The following ASIC2 variants were observed in gnomAD, a reference collection of about 807,000 sequenced individuals.
ASIC2 encodes acid sensing ion channel subunit 2.
Under a neutral mutation model 57.3 loss-of-function variants are expected in ASIC2, and 25 were observed. That is an observed-to-expected ratio of 0.44 (90% CI 0.32 to 0.61). The LOEUF (loss-of-function observed/expected upper bound fraction) is 0.61, where lower values mean the gene tolerates loss of function less well. Among genes scored for constraint, ASIC2 ranks in the 20% least tolerant of loss-of-function variants. The pLI, the probability that ASIC2 is intolerant of heterozygous loss-of-function variation, is 0.06. For synonymous variants in ASIC2, 319 were observed against 307.5 expected, an observed-to-expected ratio of 1.04 and a Z score of -0.39; for missense variants, 641 against 738.1, an observed-to-expected ratio of 0.87 and a Z score of 1.52.
chr17:33,131,266 A>T lies in ASIC2; in HGVS notation c.709-19199T>A, dbSNP rs549789893. On this transcript the variant is annotated intron_variant, in intron 1 of 9. Coordinates refer to ENST00000225823, the MANE Select transcript of ASIC2 (RefSeq NM_183377.2). ...TGCATGGCTTAAGCAGGAGGAAAAA[A>T]ATCTACATAGACCCTTCTATTGATA... Among the ~76,000 whole-genome samples the T allele has an allele frequency of 3.3e-5, 5 of 152,240 alleles. No individual in the cohort carries two copies. The South Asian group carries it at 1.0e-3, about 32-fold the overall frequency.
chr17:33,835,768 G>A (rs529165112), intron 1 of ASIC2, among the ~76,000 whole-genome samples: 1 of 151,826 alleles, frequency 6.6e-6, no homozygotes, highest in Non-Finnish European at 1.5e-5. Flanking sequence ...CTATTTTCCA[G>A]GTCCTGTATA....
chr17:33,235,461 C>T (rs1908259724), intron 1 of ASIC2, among the ~76,000 whole-genome samples: 1 of 152,180 alleles, frequency 6.6e-6, no homozygotes, highest in African/African-American at 2.4e-5. Flanking sequence ...GCTCTAATTC[C>T]ACCTCAAATC....
rs1171302054 is a variant in ASIC2 at position 33,710,253 on chromosome 17, C to T, written c.555+445725G>A. 2.0e-5 allele frequency among the ~76,000 whole-genome samples: 3 copies of T among 152,234 alleles called. No individual in the cohort carries two copies. The East Asian group carries it at 5.8e-4, about 29-fold the overall frequency. ...ACAATTCCCACCACAGGTAAAGAAG[C>T]TCCATTTATCCATTCATCCATCTAG... On this transcript the variant is annotated intron_variant, in intron 1 of 9. Transcript: ENST00000359872.
chr17:33,402,866 G>A (rs1910332333), intron 1 of ASIC2, among the ~76,000 whole-genome samples: 1 of 152,208 alleles, frequency 6.6e-6, no homozygotes, highest in South Asian at 2.1e-4. Context: ...TCACCACAGT[G>A]TCTTCACTGA....
At chr17:33,518,080 G>A (rs1280989214) in intron 1 of ASIC2, among the ~76,000 whole-genome samples, 1 of 152,164 alleles carries the variant, frequency 6.6e-6, no homozygotes, top group East Asian at 1.9e-4. Flanking sequence ...CCCCTCTGAT[G>A]TGCAGGAACA....
At chr17:33,353,020 T>G (rs1908244329) in intron 1 of ASIC2, among the ~76,000 whole-genome samples, 1 of 152,184 alleles carries the variant, frequency 6.6e-6, no homozygotes, top group Non-Finnish European at 1.5e-5. Context: ...CATCTGCCTC[T>G]CCACTGGATT....
In ASIC2 at chr17:33,216,298, T is replaced by C. The variant is rs565726889; in HGVS notation, c.708+75110A>G. 3.3e-5 allele frequency among the ~76,000 whole-genome samples: 5 copies of C among 152,342 alleles called. No individual in the cohort carries two copies. In the South Asian group the frequency reaches 1.0e-3, roughly 32 times the overall value. ...AACTCTAACGTCATCTAGAGAGTGA[T>C]ACATTAACGAAACCGTATGAGGGAT... On this transcript the variant is annotated intron_variant, in intron 1 of 9. Coordinates refer to ENST00000225823, the MANE Select transcript of ASIC2 (RefSeq NM_183377.2).
At chr17:33,981,784 C>T (rs1905634811) in intron 1 of ASIC2, among the ~76,000 whole-genome samples, 2 of 152,174 alleles carry the variant, frequency 1.3e-5, no homozygotes, top group South Asian at 4.2e-4. Flanking sequence ...ATTTAATCCT[C>T]ACAATTTTAT....
At chr17:33,234,155 C>A (rs1908210351) in intron 1 of ASIC2, among the ~76,000 whole-genome samples, 1 of 152,092 alleles carries the variant, frequency 6.6e-6, no homozygotes, top group Non-Finnish European at 1.5e-5. Flanking sequence ...GATTTTTTTT[C>A]TTTGAAGTTA....
chr17:33,517,592 T>C (rs985716353), intron 1 of ASIC2, among the ~76,000 whole-genome samples: 4 of 150,648 alleles, frequency 2.7e-5, no homozygotes, highest in African/African-American at 7.4e-5. Context: ...TTGGAGAATC[T>C]ACTCTGAGGG....
chr17:34,091,039 C>T (rs535806431), intron 1 of ASIC2, among the ~76,000 whole-genome samples: 1 of 152,218 alleles, frequency 6.6e-6, no homozygotes, highest in Non-Finnish European at 1.5e-5. Flanking sequence ...CAGTTCTTCC[C>T]ACCAAGGGTA....
At chr17:33,740,329 A>G (rs901834293) in intron 1 of ASIC2, among the ~76,000 whole-genome samples, 1 of 152,254 alleles carries the variant, frequency 6.6e-6, no homozygotes, top group African/African-American at 2.4e-5. Flanking sequence ...CAATTGACTC[A>G]CAATTTCACA....
rs73275875 is a variant in ASIC2 at position 33,081,428 on chromosome 17, C to T, written c.987+7435G>A. Among the ~76,000 whole-genome samples the T allele has an allele frequency of 2.7e-3, 409 of 152,282 alleles. 6 individuals carry two copies. Among genetic ancestry groups the T allele is most frequent in the African/African-American group, 9.3e-3 (387 of 41,558 alleles). On this transcript the variant is annotated intron_variant, in intron 3 of 9. Coordinates refer to ENST00000225823, the MANE Select transcript of ASIC2 (RefSeq NM_183377.2). ...GATGGTGAAGGCAATGTCTACACAG[C>T]GGGCCATCTCACCTTGTGGCACCTC...
At chr17:33,892,261 G>A (rs990556422) in intron 1 of ASIC2, among the ~76,000 whole-genome samples, 1 of 152,174 alleles carries the variant, frequency 6.6e-6, no homozygotes, top group African/African-American at 2.4e-5. Flanking sequence ...AGCAAGGGAT[G>A]GGGAAGGAGA....
At chr17:33,031,819 A>G (rs1469519686) in intron 3 of ASIC2, among the ~76,000 whole-genome samples, 1 of 152,166 alleles carries the variant, frequency 6.6e-6, no homozygotes, top group African/African-American at 2.4e-5. Flanking sequence ...CATCTTCTGG[A>G]TGACTTGACC....
At chr17:33,757,182 G>A (rs936025227) in intron 1 of ASIC2, among the ~76,000 whole-genome samples, 1 of 152,208 alleles carries the variant, frequency 6.6e-6, no homozygotes, top group African/African-American at 2.4e-5. Context: ...TCAGCCCCAG[G>A]AGGAGAACGA....
chr17:33,225,132 C>A (rs891681595), intron 1 of ASIC2, among the ~76,000 whole-genome samples: 1 of 152,208 alleles, frequency 6.6e-6, no homozygotes, highest in Non-Finnish European at 1.5e-5. Flanking sequence ...AAATGAAAAA[C>A]CCTTGATGGC....
At chr17:33,369,472 G>A (rs1464818624) in intron 1 of ASIC2, among the ~76,000 whole-genome samples, 2 of 152,084 alleles carry the variant, frequency 1.3e-5, no homozygotes, top group East Asian at 3.9e-4. Context: ...TTGTAAATGG[G>A]AATAATTCCA....
chr17:33,242,701 G>A (rs1436947032), intron 1 of ASIC2, among the ~76,000 whole-genome samples: 1 of 152,136 alleles, frequency 6.6e-6, no homozygotes, highest in Non-Finnish European at 1.5e-5. Flanking sequence ...CCACTTTAGT[G>A]TATAATCGCC....
Sources: gnomAD v4.1 joint callset for allele counts (sites outside exome capture counted in the v4.1 genomes callset) on GRCh38, gnomAD v4.1.1 for gene constraint, MANE v1.5 for transcripts, NCBI Gene and HGNC (gene_info 2026-07-23, HGNC 2026-07-21) for gene names.